ATG13: variants seen among roughly 807,000 people sequenced by gnomAD.
The protein encoded by ATG13 is autophagy related 13.
A neutral mutation model predicts 65.5 loss-of-function variants in ATG13; 23 were observed. The observed-to-expected ratio is 0.35, with a 90% CI of 0.25 to 0.50. The LOEUF (loss-of-function observed/expected upper bound fraction) is 0.50. Among genes scored for constraint, ATG13 ranks in the 20% least tolerant of loss-of-function variants. The probability of loss-of-function intolerance (pLI) is 0.98; values close to 1 mark genes in which losing one functional copy is unlikely to be tolerated. For synonymous variants in ATG13, 252 were observed against 245.2 expected, an observed-to-expected ratio of 1.03 and a Z score of -0.26; for missense variants, 566 against 677.0, an observed-to-expected ratio of 0.84 and a Z score of 1.82.
intron 14 of ATG13, among the ~76,000 whole-genome samples, chr11:46,666,750 A>C (rs1023995039): frequency 1.3e-5 from 2 of 152,120 alleles, no homozygotes; most frequent in African/African-American, 4.8e-5. Context: ...CTGGGGAGCC[A>C]TGGGCTGTTT....
At chr11:46,626,107 C>T (rs1293733569) in intron 1 of ATG13, among the ~76,000 whole-genome samples, 1 of 152,122 alleles carries the variant, frequency 6.6e-6, no homozygotes, top group African/African-American at 2.4e-5. Flanking sequence ...AGGTGCCCAC[C>T]ACCACGCCCA....
intron 9 of ATG13, 83 bp downstream of exon 9, chr11:46,657,274 C>A: frequency 1.5e-6 from 2 of 1,306,110 alleles, no homozygotes; most frequent in African/African-American, 1.5e-5. Context: ...ACTAAACCTA[C>A]AATTCAGCTT....
chr11:46,659,031 AAATT>A (rs1209111396), intron 10 of ATG13, among the ~76,000 whole-genome samples: 2 of 152,104 alleles, frequency 1.3e-5, no homozygotes, highest in Non-Finnish European at 2.9e-5. Flanking sequence ...TCTCTACAAA[AAATT>A]AAGTTAGCTG....
chr11:46,656,928 T>TATAC lies in ATG13; in HGVS notation c.500-166_500-165insTACA. On this transcript the variant is annotated intron_variant, in intron 8 of 18. Coordinates refer to ENST00000683050, the MANE Select transcript of ATG13 (RefSeq NM_001346311.2). ...ATATATACACACACATACACGCACA[T>TATAC]ACACACACACACACACACACATATG... 3 of 577,902 alleles carry TATAC rather than the reference T, an allele frequency of 5.2e-6. No homozygotes were observed. The South Asian group carries it at 6.2e-5, about 12-fold the overall frequency. The allele number at this position is 577,902 out of a possible 1,614,324, so 35.8% of individuals were successfully genotyped here.
chr11:46,622,786 A>G (rs567470319), intron 1 of ATG13, among the ~76,000 whole-genome samples: 2 of 152,312 alleles, frequency 1.3e-5, no homozygotes, highest in South Asian at 4.1e-4. Context: ...AGCAGATTAG[A>G]TTCCAACACT....
In ATG13 at chr11:46,632,109, A is replaced by G. The variant is rs141729799; in HGVS notation, c.-14+2009A>G. On this transcript the variant is annotated intron_variant, in intron 2 of 18. Coordinates refer to ENST00000683050, the MANE Select transcript of ATG13 (RefSeq NM_001346311.2). ...GATTACTTCTAAGACAAGAAAACCT[A>G]TAAGTATCAAGTCACAGGACAATAA... Among the ~76,000 whole-genome samples, 397 of 152,358 alleles carry G rather than the reference A, an allele frequency of 2.6e-3. 3 individuals carry two copies. The highest frequency in any genetic ancestry group is 8.7e-3 in the African/African-American group (362 of 41,594).
chr11:46,657,427 G>A, intron 9 of ATG13, 97 bp from the exon 10 acceptor site: 1 of 1,208,104 alleles, frequency 8.3e-7, no homozygotes, highest in Non-Finnish European at 1.2e-6. Flanking sequence ...CTCTGGTAGT[G>A]CCTGCCAACA....
intron 18 of ATG13, among the ~76,000 whole-genome samples, chr11:46,669,905 C>T (rs2063310766): frequency 6.6e-6 from 1 of 152,174 alleles, no homozygotes. Flanking sequence ...TCCTGAGTAT[C>T]TGTGTTCTTG....
At chr11:46,653,180 C>CTTTT (rs1226638713) in intron 7 of ATG13, among the ~76,000 whole-genome samples, 12 of 132,672 alleles carry the variant, frequency 9.0e-5, no homozygotes, top group Non-Finnish European at 1.4e-4. Context: ...CATTTCTTTT[C>CTTTT]TTTTTTTTTT....
chr11:46,641,780 CAG>C lies in ATG13; in HGVS notation c.-13-2496_-13-2495del, dbSNP rs201828739. 1.9e-3 allele frequency among the ~76,000 whole-genome samples: 266 copies of C among 139,310 alleles called. 6 individuals carry two copies. In the East Asian group the frequency reaches 0.044, roughly 23 times the overall value. 91.4% of individuals were successfully genotyped at this position (139,310 alleles called of 152,430 possible). On this transcript the variant is annotated intron_variant, in intron 2 of 18. Transcript: ENST00000683050. ...ACCTGATTTTTTTTTTTTTTCGTGA[CAG>C]AGTTTTTTACTCCTGTTGCCCAGGC...
At chr11:46,669,073 G>A (rs574963094) in intron 17 of ATG13, among the ~76,000 whole-genome samples, 163 bp downstream of exon 17, 10 of 152,262 alleles carry the variant, frequency 6.6e-5, no homozygotes, top group South Asian at 2.1e-4. Flanking sequence ...TTTGGAGGCC[G>A]ATAAACAACA....
chr11:46,657,654 T>C (rs1376899664), intron 10 of ATG13, 32 bp downstream of exon 10: 2 of 1,528,048 alleles, frequency 1.3e-6, no homozygotes, highest in South Asian at 1.2e-5. Flanking sequence ...TCTCCCAAAC[T>C]GCAGCTGGGC....
chr11:46,634,109 T>G (rs1002019318), intron 2 of ATG13, among the ~76,000 whole-genome samples: 1 of 151,990 alleles, frequency 6.6e-6, no homozygotes, highest in African/African-American at 2.4e-5. Context: ...TTTTTTCTTT[T>G]TTTTTGAGAT....
At chr11:46,661,921 A>G (rs1295951001) in intron 11 of ATG13, among the ~76,000 whole-genome samples, 1 of 152,234 alleles carries the variant, frequency 6.6e-6, no homozygotes, top group Non-Finnish European at 1.5e-5. Context: ...TCCATGGATC[A>G]CTATTGTTTC....
At chr11:46,666,087 G>A (rs1268365484) in intron 14 of ATG13, among the ~76,000 whole-genome samples, 2 of 152,094 alleles carry the variant, frequency 1.3e-5, no homozygotes, top group Non-Finnish European at 2.9e-5. Context: ...GATTACAGGC[G>A]TGAGCCACCA....
At chr11:46,628,867 C>T (rs895314675) in intron 1 of ATG13, among the ~76,000 whole-genome samples, 2 of 151,958 alleles carry the variant, frequency 1.3e-5, no homozygotes. Context: ...CATGGAAATT[C>T]CTATCACTTT....
Position 46,647,280 on chromosome 11 carries a change from G to GTT in ATG13, c.270+1302_270+1303dup, listed in dbSNP as rs60893694. ...TGCTTTTTGGGTTTTTGTTTTTTTT[G>GTT]TTTTTTTTTTTTGTTTTTTTTTTTT... is the stretch of plus-strand genomic sequence containing the variant. On this transcript the variant is annotated intron_variant, in intron 5 of 18. Transcript: ENST00000683050. Among the ~76,000 whole-genome samples the GTT allele has an allele frequency of 1.5e-3, 85 of 55,888 alleles. 1 individual carries two copies. The highest frequency in any genetic ancestry group is 1.6e-3 in the Non-Finnish European group (36 of 21,854). 36.7% of individuals were successfully genotyped at this position (55,888 alleles called of 152,430 possible).
At chr11:46,666,817 G>GC (rs1273142983) in intron 14 of ATG13, among the ~76,000 whole-genome samples, 1 of 151,866 alleles carries the variant, frequency 6.6e-6, no homozygotes, top group Non-Finnish European at 1.5e-5. Flanking sequence ...AGATTACTTT[G>GC]CCCCCTCACA....
At chr11:46,660,558 G>T (rs185550134) in intron 11 of ATG13, among the ~76,000 whole-genome samples, 60 of 151,568 alleles carry the variant, frequency 4.0e-4, no homozygotes, top group Non-Finnish European at 5.6e-4. Context: ...ATAGGTGCCC[G>T]CCACCACGCC....
Sources: gnomAD v4.1 joint callset for allele counts (sites outside exome capture counted in the v4.1 genomes callset) on GRCh38, gnomAD v4.1.1 for gene constraint, MANE v1.5 for transcripts, NCBI Gene and HGNC (gene_info 2026-07-23, HGNC 2026-07-21) for gene names.